TUBB3: variants seen among roughly 807,000 people sequenced by gnomAD.
The protein encoded by TUBB3 is tubulin beta 3 class III.
In TUBB3, 17 loss-of-function variants were observed where a neutral mutation model predicts 37.8. The ratio of observed to expected loss-of-function variants is 0.45; its 90% CI spans 0.31 to 0.67. The LOEUF is 0.67. Among genes scored for constraint, TUBB3 ranks in the 30% least tolerant of loss-of-function variants. The probability of loss-of-function intolerance (pLI) is 0.07; values close to 1 mark genes in which losing one functional copy is unlikely to be tolerated. For missense variants in TUBB3, 262 were observed against 657.9 expected (o/e 0.40, Z 6.58); for synonymous variants, 332 against 278.9 (o/e 1.19, Z -1.90).
At chr16:89,929,887 G>A (rs1291058295) in intron 1 of TUBB3, among the ~76,000 whole-genome samples, 1 of 151,920 alleles carries the variant, frequency 6.6e-6, no homozygotes, top group African/African-American at 2.4e-5. Flanking sequence ...TTTTAGTAGA[G>A]ACAGGGTTTT....
At chr16:89,924,193 T>C (rs1000345330) in intron 1 of TUBB3, among the ~76,000 whole-genome samples, 10 of 152,138 alleles carry the variant, frequency 6.6e-5, no homozygotes, top group Admixed American at 5.9e-4. Flanking sequence ...CCTCCCTCCA[T>C]TGTTAGCCCA....
intron 1 of TUBB3, 92 bp downstream of exon 1, chr16:89,923,550 C>G: frequency 8.4e-7 from 1 of 1,193,120 alleles, no homozygotes; most frequent in South Asian, 2.6e-5. Context: ...TGCCCCCGCC[C>G]CTGCGAACCT....
chr16:89,928,596 T>C (rs969376796), intron 1 of TUBB3, among the ~76,000 whole-genome samples: 2 of 151,132 alleles, frequency 1.3e-5, no homozygotes, highest in Admixed American at 6.6e-5. Context: ...ACAATCTCGG[T>C]TCACTGCAAG....
upstream of TUBB3, chr16:89,923,325 G>A (rs948351160): frequency 4.8e-6 from 6 of 1,258,446 alleles, no homozygotes; most frequent in African/African-American, 8.0e-5. Flanking sequence ...AAGAGCGCGC[G>A]GCCGCGGTCC....
At chr16:89,923,187 CGCATTGCGCGCG>C, upstream of TUBB3, 2 of 201,242 alleles carry the variant, frequency 9.9e-6, no homozygotes, top group Non-Finnish European at 2.0e-5. Context: ...GGAGGGGCGC[CGCATTGCGCGCG>C]GCGGGCGGGG....
rs763844754 is a variant in TUBB3 at position 89,923,354 on chromosome 16, C to T, written c.-48C>T. The T allele has an allele frequency of 2.8e-6, 4 of 1,427,016 alleles. No homozygotes were observed. The highest frequency in any genetic ancestry group is 2.7e-5 in the South Asian group (2 of 74,188). 88.4% of individuals were successfully genotyped at this position (1,427,016 alleles called of 1,614,324 possible). A position where few individuals can be genotyped will look rare whatever the true frequency, so the allele number is the denominator to read the frequency against. The stretch of plus-strand genomic sequence containing the variant: ...GCGGTCCCCGACCCTCAGCAGCCAG[C>T]CCGGCCCGCCCGCGCCCGTCCGCAG... On this transcript the variant is annotated 5_prime_UTR_variant, in exon 1 of 4. Transcript: ENST00000315491.
At position 89,936,061 on chromosome 16, in the gene TUBB3, G is replaced by C. The variant is rs2030447882; in HGVS notation, c.*257G>C. On this transcript the variant is annotated 3_prime_UTR_variant, in exon 4 of 4. Coordinates refer to ENST00000315491, the MANE Select transcript of TUBB3 (RefSeq NM_006086.4). Reference sequence around the variant, plus strand: ...TTACTGGTTTGTGTTTATATTTTCGGGGATACTTAATAAATCTATTGCTGT... The same window carrying C: ...TTACTGGTTTGTGTTTATATTTTCGCGGATACTTAATAAATCTATTGCTGT... 39 of 582,234 alleles carry C rather than the reference G, an allele frequency of 6.7e-5. 1 individual carries two copies. The South Asian group carries it at 8.2e-4, about 12-fold the overall frequency. The allele number at this position is 582,234 out of a possible 1,614,324, so 36.1% of individuals were successfully genotyped here. A position where few individuals can be genotyped will look rare whatever the true frequency, so the allele number is the denominator to read the frequency against.
At chr16:89,933,890 C>G in intron 3 of TUBB3, 1 of 658,930 alleles carries the variant, frequency 1.5e-6, no homozygotes, top group Non-Finnish European at 2.8e-6. Flanking sequence ...AGCACGAGGC[C>G]TTGCTGCGGT....
intron 1 of TUBB3, among the ~76,000 whole-genome samples, chr16:89,924,967 C>G (rs1223709887): frequency 6.7e-6 from 1 of 148,582 alleles, no homozygotes; most frequent in Non-Finnish European, 1.5e-5. Flanking sequence ...GCAGGCAGCC[C>G]TGGGGCTCCT....
At chr16:89,924,473 G>A (rs1597418650) in intron 1 of TUBB3, among the ~76,000 whole-genome samples, 1 of 148,664 alleles carries the variant, frequency 6.7e-6, no homozygotes, top group South Asian at 2.2e-4. Context: ...ATCGGGGGGG[G>A]AGGCTGGCTT....
rs983754382 is a variant in TUBB3, at chr16:89,932,692, C to G, written c.166+13C>G. ...AACGAGGCCTCTTGTGAGTGCCTGC[C>G]CCAGCCTCCCTATCCCAGCCCTGGA... On this transcript the variant is annotated intron_variant, in intron 2 of 3. Transcript: ENST00000315491. 6.2e-7 allele frequency: 1 copy of G among 1,604,722 alleles called. No homozygotes were observed. Among genetic ancestry groups the G allele is most frequent in the East Asian group, 2.2e-5 (1 of 44,806 alleles).
intron 1 of TUBB3, chr16:89,931,883 C>T (rs1317161410): frequency 1.7e-5 from 7 of 405,368 alleles, no homozygotes; most frequent in East Asian, 7.4e-5. Context: ...AGAGAGAGGA[C>T]GACCCCTGGG....
intron 1 of TUBB3, among the ~76,000 whole-genome samples, chr16:89,928,768 C>T (rs1472856034): frequency 6.6e-6 from 1 of 152,014 alleles, no homozygotes; most frequent in Non-Finnish European, 1.5e-5. Flanking sequence ...TCATGATCCG[C>T]CCACCTCGGC....
rs376233243 is a variant in TUBB3, at chr16:89,932,657, C to T, written c.144C>T (p.Ser48=). Residue 48 remains serine, a synonymous_variant, in exon 2 of 4, where the codon AGC becomes AGT. Coordinates refer to ENST00000315491, the MANE Select transcript of TUBB3 (RefSeq NM_006086.4). ...CGGACTTGCAGCTGGAGCGGATCAG[C>T]GTCTACTACAACGAGGCCTCTTGTG... The part of the protein sequence containing the change: ...GDSDLQLERI[S]VYYNEASSHK... The T allele has an allele frequency of 9.9e-6, 16 of 1,613,934 alleles. 1 individual carries two copies. The highest frequency in any genetic ancestry group is 9.3e-5 in the African/African-American group (7 of 74,942).
intron 1 of TUBB3, 56 bp from the exon 2 acceptor site, chr16:89,932,515 G>A: frequency 6.8e-7 from 1 of 1,461,926 alleles, no homozygotes. Flanking sequence ...CAAGGGAAAG[G>A]GCCTGGCTGG....
chr16:89,922,455 C>T (rs913708755), upstream of TUBB3: 1 of 152,728 alleles, frequency 6.5e-6, no homozygotes, highest in South Asian at 2.1e-4. Context: ...CCTTCCTTCT[C>T]TGACCAGTAA....
At position 89,923,346 on chromosome 16, in the gene TUBB3, G is replaced by A; in HGVS notation, c.-56G>A. ...GCGCGGCCGCGGTCCCCGACCCTCA[G>A]CAGCCAGCCCGGCCCGCCCGCGCCC... On this transcript the variant is annotated 5_prime_UTR_variant, in exon 1 of 4. Transcript: ENST00000315491. 7.1e-7 allele frequency: 1 copy of A among 1,413,270 alleles called. No homozygotes were observed. The highest frequency in any genetic ancestry group is 1.4e-5 in the South Asian group (1 of 73,096). 87.5% of individuals were successfully genotyped at this position (1,413,270 alleles called of 1,614,324 possible).
At chr16:89,924,840 T>A (rs1327540861) in intron 1 of TUBB3, among the ~76,000 whole-genome samples, 2 of 151,880 alleles carry the variant, frequency 1.3e-5, no homozygotes, top group Non-Finnish European at 2.9e-5. Flanking sequence ...GAGCAGCCTC[T>A]GACAGCTGCC....
At position 89,925,448 on chromosome 16, in the gene TUBB3, T is replaced by C. The variant is rs940391599; in HGVS notation, c.57+1990T>C. ...TTCTTAAAAAAAAAAAAAAAAAAATTAGCCTGGCGTGGTGGGCCGCGCCTG... is the reference window on the plus strand; with the variant it reads ...TTCTTAAAAAAAAAAAAAAAAAAATCAGCCTGGCGTGGTGGGCCGCGCCTG... On this transcript the variant is annotated intron_variant, in intron 1 of 3. Coordinates refer to ENST00000315491, the MANE Select transcript of TUBB3 (RefSeq NM_006086.4). Among the ~76,000 whole-genome samples, 14 of 146,488 alleles carry C rather than the reference T, an allele frequency of 9.6e-5. 1 individual carries two copies. The highest frequency in any genetic ancestry group is 8.6e-4 in the South Asian group (4 of 4,676).
Sources: allele counts gnomAD v4.1 joint callset (sites outside exome capture counted in the v4.1 genomes callset), GRCh38; gene constraint gnomAD v4.1.1; transcripts MANE v1.5; gene names NCBI Gene and HGNC (gene_info 2026-07-23, HGNC 2026-07-21).